Variants in MTMR2 observed in about 807,000 individuals in gnomAD.
The protein encoded by MTMR2 is phosphatidylinositol-3,5-bisphosphate 3-phosphatase MTMR2.
A neutral mutation model predicts 86.9 loss-of-function variants in MTMR2; 55 were observed. The observed-to-expected ratio is 0.63, with a 90% CI of 0.51 to 0.79. The LOEUF is 0.79. MTMR2 is among the 30% of genes least tolerant of loss of function. The pLI is 0.00. For missense variants in MTMR2, 659 were observed against 772.3 expected, an observed-to-expected ratio of 0.85 and a Z score of 1.74; for synonymous variants, 241 against 266.8, an observed-to-expected ratio of 0.90 and a Z score of 0.94.
intron 10 of MTMR2, among the ~76,000 whole-genome samples, chr11:95,846,842 A>C (rs1287274558): frequency 6.6e-6 from 1 of 152,156 alleles, no homozygotes; most frequent in Non-Finnish European, 1.5e-5. Context: ...TGTGATTTTC[A>C]AGCTTCTAAG....
intron 13 of MTMR2, 38 bp downstream of exon 13, chr11:95,838,056 T>A (rs777732110): frequency 8.2e-7 from 1 of 1,214,894 alleles, no homozygotes; most frequent in South Asian, 1.2e-5. Flanking sequence ...AAGTATACAG[T>A]AGAGATAGTA....
At chr11:95,891,719 G>A (rs1865720555) in intron 1 of MTMR2, among the ~76,000 whole-genome samples, 1 of 152,152 alleles carries the variant, frequency 6.6e-6, no homozygotes, top group Non-Finnish European at 1.5e-5. Context: ...TGTATAACCA[G>A]TCTACAAAGG....
intron 1 of MTMR2, among the ~76,000 whole-genome samples, chr11:95,889,938 T>A (rs573230508): frequency 6.6e-6 from 1 of 152,336 alleles, no homozygotes; most frequent in African/African-American, 2.4e-5. Context: ...AAAATTTTTT[T>A]CACTAGGTTT....
At chr11:95,908,160 A>T (rs113605733) in intron 1 of MTMR2, among the ~76,000 whole-genome samples, 8,564 of 152,180 alleles carry the variant, frequency 0.056, 832 homozygotes, top group African/African-American at 0.19. Flanking sequence ...AGGATACAAA[A>T]TCAATGTATG....
intron 1 of MTMR2, among the ~76,000 whole-genome samples, chr11:95,912,620 T>A (rs1866553814): frequency 6.6e-6 from 1 of 151,816 alleles, no homozygotes; most frequent in Non-Finnish European, 1.5e-5. Context: ...CCATACATAA[T>A]ACAATATAAA....
chr11:95,889,517 G>C (rs563283171), intron 1 of MTMR2, among the ~76,000 whole-genome samples: 2 of 132,190 alleles, frequency 1.5e-5, no homozygotes, highest in African/African-American at 2.8e-5. Flanking sequence ...GTCTTTTTTG[G>C]GGGGGGAGGG....
chr11:95,913,031 T>C (rs187777135), intron 1 of MTMR2: 1 of 152,222 alleles, frequency 6.6e-6, no homozygotes, highest in East Asian at 1.9e-4. Context: ...AAAAAAAAGT[T>C]TTTTCTTTCC....
chr11:95,871,017 G>A (rs1864858935), intron 2 of MTMR2, among the ~76,000 whole-genome samples: 1 of 151,914 alleles, frequency 6.6e-6, no homozygotes, highest in South Asian at 2.1e-4. Context: ...ATAGTTTCCT[G>A]AGAATGATGG....
chr11:95,902,680 T>C (rs1866115573), intron 1 of MTMR2, among the ~76,000 whole-genome samples: 1 of 152,112 alleles, frequency 6.6e-6, no homozygotes, highest in Admixed American at 6.6e-5. Flanking sequence ...AAAGGGTCTT[T>C]TTACCTTTTA....
intron 1 of MTMR2, among the ~76,000 whole-genome samples, chr11:95,899,636 TAA>T (rs10654504): frequency 6.8e-6 from 1 of 147,474 alleles, no homozygotes; most frequent in Non-Finnish European, 1.5e-5. Flanking sequence ...TAAGAATGGT[TAA>T]AAAAAAAAAA....
chr11:95,846,012 T>C (rs926840815), intron 10 of MTMR2, among the ~76,000 whole-genome samples: 1 of 151,990 alleles, frequency 6.6e-6, no homozygotes, highest in Non-Finnish European at 1.5e-5. Context: ...ATTATTAAGC[T>C]TGGAAGTATG....
intron 5 of MTMR2, among the ~76,000 whole-genome samples, chr11:95,861,359 G>A: frequency 6.7e-6 from 1 of 150,076 alleles, no homozygotes; most frequent in Non-Finnish European, 1.5e-5. Context: ...TCATCAATGT[G>A]GAACTATGTG....
At chr11:95,917,751 T>C (rs1315085670) in intron 1 of MTMR2, among the ~76,000 whole-genome samples, 1 of 152,166 alleles carries the variant, frequency 6.6e-6, no homozygotes, top group Non-Finnish European at 1.5e-5. Context: ...AAGTGGGTCA[T>C]CATAAAGTTT....
chr11:95,886,803 C>A (rs1217326244), intron 2 of MTMR2, among the ~76,000 whole-genome samples: 2 of 151,872 alleles, frequency 1.3e-5, no homozygotes, highest in East Asian at 3.9e-4. Flanking sequence ...GCCTATGAGC[C>A]CTTAGTGGAT....
At chr11:95,906,492 G>T (rs1358164907) in intron 1 of MTMR2, among the ~76,000 whole-genome samples, 6 of 152,096 alleles carry the variant, frequency 3.9e-5, no homozygotes, top group Admixed American at 2.6e-4. Flanking sequence ...GATCATTGAG[G>T]CAAGAAACTA....
intron 2 of MTMR2, among the ~76,000 whole-genome samples, chr11:95,880,025 AGTT>A (rs1177675159): frequency 6.6e-6 from 1 of 151,810 alleles, no homozygotes; most frequent in African/African-American, 2.4e-5. Context: ...TTACATTTTT[AGTT>A]ATTATAGAAT....
At chr11:95,885,703 A>G (rs1315413905) in intron 2 of MTMR2, among the ~76,000 whole-genome samples, 2 of 151,990 alleles carry the variant, frequency 1.3e-5, no homozygotes, top group East Asian at 3.9e-4. Context: ...TCCACCCTCA[A>G]GGAGGTAGAG....
At position 95,838,352 on chromosome 11, in the gene MTMR2, C is replaced by T. The variant is rs147481973; in HGVS notation, c.1480-145G>A. The T allele has an allele frequency of 4.6e-4, 294 of 644,418 alleles. No individual in the cohort carries two copies. The African/African-American group carries it at 4.8e-3, about 11-fold the overall frequency. The allele number at this position is 644,418 out of a possible 1,614,324, so 39.9% of individuals were successfully genotyped here. A position where few individuals can be genotyped will look rare whatever the true frequency, so the allele number is the denominator to read the frequency against. Reference sequence around the variant, plus strand: ...TATTCCAAGCCATTATGGCATTATTCGTATGGTTTTCTTTTCAAAAATCAT... The same window carrying T: ...TATTCCAAGCCATTATGGCATTATTTGTATGGTTTTCTTTTCAAAAATCAT... On this transcript the variant is annotated intron_variant, in intron 12 of 14. Coordinates refer to ENST00000346299, the MANE Select transcript of MTMR2 (RefSeq NM_016156.6).
intron 1 of MTMR2, among the ~76,000 whole-genome samples, chr11:95,915,949 T>C (rs1323434874): frequency 6.6e-6 from 1 of 152,166 alleles, no homozygotes; most frequent in Non-Finnish European, 1.5e-5. Flanking sequence ...GGTTCCAGAT[T>C]AGGATTATAA....
Sources: allele counts gnomAD v4.1 joint callset (sites outside exome capture counted in the v4.1 genomes callset), GRCh38; gene constraint gnomAD v4.1.1; transcripts MANE v1.5; gene names NCBI Gene and HGNC (gene_info 2026-07-23, HGNC 2026-07-21).